The following PTPN13 variants were observed in gnomAD, a reference collection of about 807,000 sequenced individuals.
PTPN13 encodes tyrosine-protein phosphatase non-receptor type 13.
A neutral mutation model predicts 284.0 loss-of-function variants in PTPN13; 191 were observed. The ratio of observed to expected loss-of-function variants is 0.67; its 90% CI spans 0.60 to 0.76. PTPN13 has a LOEUF of 0.76. PTPN13 is among the 30% of genes least tolerant of loss of function. The pLI, the probability that PTPN13 is intolerant of heterozygous loss-of-function variation, is 0.00. For missense variants in PTPN13, 2,797 were observed against 2,939.9 expected (o/e 0.95, Z 1.12); for synonymous variants, 986 against 1,022.3 (o/e 0.96, Z 0.68).
intron 3 of PTPN13, among the ~76,000 whole-genome samples, chr4:86,678,300 A>G (rs190256300): frequency 6.6e-6 from 1 of 152,350 alleles, no homozygotes; most frequent in Non-Finnish European, 1.5e-5. Flanking sequence ...CAATTGCTTT[A>G]TATATCAGAT....
At chr4:86,613,225 T>A (rs980016051) in intron 1 of PTPN13, among the ~76,000 whole-genome samples, 2 of 152,196 alleles carry the variant, frequency 1.3e-5, no homozygotes, top group Non-Finnish European at 2.9e-5. Context: ...ATCATGTGGG[T>A]AACCTCTGCC....
intron 1 of PTPN13, among the ~76,000 whole-genome samples, chr4:86,616,662 C>T (rs1169704667): frequency 6.6e-6 from 1 of 152,016 alleles, no homozygotes; most frequent in South Asian, 2.1e-4. Flanking sequence ...GACACCTCCC[C>T]ACCCACTCTT....
intron 7 of PTPN13, among the ~76,000 whole-genome samples, chr4:86,708,116 G>A (rs1343324450): frequency 1.3e-5 from 2 of 152,162 alleles, no homozygotes; most frequent in African/African-American, 2.4e-5. Context: ...CTAGCTACAT[G>A]TGACTATGGA....
intron 44 of PTPN13, among the ~76,000 whole-genome samples, chr4:86,805,801 A>G (rs866715406): frequency 3.3e-5 from 5 of 152,344 alleles, no homozygotes; most frequent in African/African-American, 1.2e-4. Flanking sequence ...ATATATATGC[A>G]TATGACTACA....
rs1741822587 is a variant in PTPN13, at chr4:86,785,752, G to A, written c.6257-96G>A. The A allele has an allele frequency of 1.6e-5, 10 of 623,982 alleles. No homozygotes were observed. In the South Asian group the frequency reaches 2.8e-4, roughly 17 times the overall value. 38.7% of individuals were successfully genotyped at this position (623,982 alleles called of 1,614,324 possible). On this transcript the variant is annotated intron_variant, in intron 39 of 47. Coordinates refer to ENST00000411767, the MANE Select transcript of PTPN13 (RefSeq NM_080683.3). The stretch of plus-strand genomic sequence containing the variant: ...AACATTGAAACTATTTATGGATATT[G>A]GTTTATACACTGCCTTCTTTTGCAG...
intron 1 of PTPN13, among the ~76,000 whole-genome samples, chr4:86,625,521 C>T (rs1048113301): frequency 6.6e-6 from 1 of 151,832 alleles, no homozygotes; most frequent in African/African-American, 2.4e-5. Context: ...TTGATTTATC[C>T]TCTCACCTGC....
chr4:86,800,545 G>C (rs1437381331), intron 42 of PTPN13, among the ~76,000 whole-genome samples: 1 of 152,088 alleles, frequency 6.6e-6, no homozygotes, highest in East Asian at 1.9e-4. Flanking sequence ...CCAGCTACTC[G>C]GGAGGCTGAG....
chr4:86,773,600 G>A (rs1478553677), intron 32 of PTPN13, among the ~76,000 whole-genome samples: 1 of 151,820 alleles, frequency 6.6e-6, no homozygotes, highest in Admixed American at 6.6e-5. Flanking sequence ...AATGTTTATT[G>A]TAGAAAAATT....
At chr4:86,734,068 A>G (rs577426957) in intron 12 of PTPN13, among the ~76,000 whole-genome samples, 1 of 152,304 alleles carries the variant, frequency 6.6e-6, no homozygotes, top group East Asian at 1.9e-4. Flanking sequence ...TGTTGTGACC[A>G]GGTGTTGAAT....
chr4:86,802,752 G>A (rs1417064640), intron 42 of PTPN13, among the ~76,000 whole-genome samples: 5 of 152,098 alleles, frequency 3.3e-5, no homozygotes, highest in Admixed American at 1.3e-4. Context: ...TGTTTTGGGG[G>A]AAATATTATT....
At chr4:86,743,550 G>A (rs1048731223) in intron 16 of PTPN13, among the ~76,000 whole-genome samples, 10 of 152,232 alleles carry the variant, frequency 6.6e-5, no homozygotes, top group Admixed American at 1.3e-4. Context: ...CTAGTTTGTT[G>A]CTACTGTATC....
At chr4:86,733,889 A>T (rs554655120) in intron 12 of PTPN13, among the ~76,000 whole-genome samples, 1 of 152,324 alleles carries the variant, frequency 6.6e-6, no homozygotes, top group East Asian at 1.9e-4. Context: ...AATATTTATT[A>T]AATGTTTACC....
At chr4:86,695,812 G>A (rs1730536350) in intron 6 of PTPN13, among the ~76,000 whole-genome samples, 1 of 151,714 alleles carries the variant, frequency 6.6e-6, no homozygotes, top group African/African-American at 2.4e-5. Flanking sequence ...ATTTGCTTAT[G>A]TGTTACTTCT....
chr4:86,797,350 G>A (rs113230894), intron 41 of PTPN13, among the ~76,000 whole-genome samples: 20,301 of 151,926 alleles, frequency 0.13, 1,751 homozygotes, highest in East Asian at 0.3. Flanking sequence ...AAATTAGCTG[G>A]GTGTGGTGAC....
intron 1 of PTPN13, among the ~76,000 whole-genome samples, chr4:86,608,565 T>C (rs1157718607): frequency 6.6e-6 from 1 of 152,108 alleles, no homozygotes; most frequent in Non-Finnish European, 1.5e-5. Flanking sequence ...TTCCTCAAAA[T>C]AACTTTATGG....
chr4:86,711,512 C>T lies in PTPN13; in HGVS notation c.1196-5018C>T, dbSNP rs559234245. ...GATGTACTAAGGCTGATTTTACTCTCCCATTCGCTCTTTTCTTCTCATTAA... is the reference window on the plus strand; with the variant it reads ...GATGTACTAAGGCTGATTTTACTCTTCCATTCGCTCTTTTCTTCTCATTAA... On this transcript the variant is annotated intron_variant, in intron 7 of 47. Coordinates refer to ENST00000411767, the MANE Select transcript of PTPN13 (RefSeq NM_080683.3). Among the ~76,000 whole-genome samples the T allele has an allele frequency of 7.2e-5, 11 of 152,210 alleles. No individual in the cohort carries two copies. In the South Asian group the frequency reaches 2.3e-3, roughly 32 times the overall value.
intron 2 of PTPN13, among the ~76,000 whole-genome samples, chr4:86,637,113 C>G (rs972731721): frequency 3.0e-4 from 46 of 152,244 alleles, no homozygotes; most frequent in African/African-American, 1.1e-3. Flanking sequence ...CATACACTCT[C>G]CCAAGACTAA....
At chr4:86,599,009 C>G (rs1214832526) in intron 1 of PTPN13, among the ~76,000 whole-genome samples, 1 of 152,198 alleles carries the variant, frequency 6.6e-6, no homozygotes, top group Non-Finnish European at 1.5e-5. Context: ...AGTTGTCCCT[C>G]CTTGGCCTCC....
intron 20 of PTPN13, among the ~76,000 whole-genome samples, chr4:86,757,762 CAAAA>C (rs542129918): frequency 1.8e-5 from 2 of 112,516 alleles, no homozygotes; most frequent in Non-Finnish European, 3.7e-5. Context: ...GACTCTGTCT[CAAAA>C]AAAAAAAAAA....
Sources: allele counts gnomAD v4.1 joint callset (sites outside exome capture counted in the v4.1 genomes callset), GRCh38; gene constraint gnomAD v4.1.1; transcripts MANE v1.5; gene names NCBI Gene and HGNC (gene_info 2026-07-23, HGNC 2026-07-21).